SNX18: variants seen among roughly 807,000 people sequenced by gnomAD.
SNX18 encodes sorting nexin 18, also known as sorting nexin-18.
In SNX18, 35 loss-of-function variants were observed where a neutral mutation model predicts 48.7. The ratio of observed to expected loss-of-function variants is 0.72; its 90% CI spans 0.55 to 0.95. SNX18 has a LOEUF of 0.95. SNX18 is among the 40% of genes least tolerant of loss of function. The probability of loss-of-function intolerance (pLI) is 0.00; values close to 1 mark genes in which losing one functional copy is unlikely to be tolerated. For missense variants in SNX18, 824 were observed against 871.0 expected (o/e 0.95, Z 0.68); for synonymous variants, 492 against 384.7 (o/e 1.28, Z -3.26).
the SNX18 span, among the ~76,000 whole-genome samples, chr5:54,572,642 A>G: frequency 6.6e-6 from 1 of 150,766 alleles, no homozygotes; most frequent in African/African-American, 2.4e-5. Flanking sequence ...GTTGCGTTCT[A>G]TTTCATAATA....
the SNX18 span, among the ~76,000 whole-genome samples, chr5:54,615,058 G>GA: frequency 2.0e-5 from 3 of 152,232 alleles, no homozygotes; most frequent in African/African-American, 4.8e-5. Flanking sequence ...GGTTTTTATG[G>GA]AAAAAACATT....
chr5:54,534,946 A>G (rs1284034430), intron 1 of SNX18, among the ~76,000 whole-genome samples: 1 of 152,210 alleles, frequency 6.6e-6, no homozygotes, highest in Non-Finnish European at 1.5e-5. Context: ...TTACTGATGG[A>G]AATAGTTTAA....
chr5:54,584,094 A>G, the SNX18 span, among the ~76,000 whole-genome samples: 3 of 129,032 alleles, frequency 2.3e-5, no homozygotes, highest in Non-Finnish European at 4.6e-5. Context: ...TGTGTTGCCC[A>G]GGCTGGAGTG....
At chr5:54,618,306 T>C in the SNX18 span, among the ~76,000 whole-genome samples, 1 of 152,214 alleles carries the variant, frequency 6.6e-6, no homozygotes, top group East Asian at 1.9e-4. Flanking sequence ...CTCTGTCTTT[T>C]ACAAATGACC....
At chr5:54,602,456 G>A in the SNX18 span, among the ~76,000 whole-genome samples, 2 of 152,164 alleles carry the variant, frequency 1.3e-5, no homozygotes, top group Non-Finnish European at 2.9e-5. Flanking sequence ...AATAAAGAGT[G>A]TTTCTAAGTA....
chr5:54,531,772 G>A (rs1762256102), intron 1 of SNX18, among the ~76,000 whole-genome samples: 1 of 152,150 alleles, frequency 6.6e-6, no homozygotes, highest in Non-Finnish European at 1.5e-5. Context: ...AGCTGAGTTA[G>A]GAATTATCTC....
At chr5:54,608,972 A>G in the SNX18 span, among the ~76,000 whole-genome samples, 1,620 of 152,216 alleles carry the variant, frequency 0.011, 32 homozygotes, top group African/African-American at 0.038. Flanking sequence ...CATTGTCCCA[A>G]CCTGTATATC....
chr5:54,603,530 G>A, the SNX18 span, among the ~76,000 whole-genome samples: 2 of 152,102 alleles, frequency 1.3e-5, no homozygotes, highest in African/African-American at 4.8e-5. Flanking sequence ...CAGCCAACAT[G>A]CCTGAATTCC....
the SNX18 span, among the ~76,000 whole-genome samples, chr5:54,592,079 T>C: frequency 2.0e-5 from 3 of 152,226 alleles, no homozygotes; most frequent in African/African-American, 4.8e-5. Flanking sequence ...ACAAATGTGA[T>C]GGCAACATAT....
At chr5:54,572,498 A>C in the SNX18 span, among the ~76,000 whole-genome samples, 1 of 152,016 alleles carries the variant, frequency 6.6e-6, no homozygotes, top group South Asian at 2.1e-4. Flanking sequence ...CACTTCTCAA[A>C]TTTTATACCA....
intron 1 of SNX18, among the ~76,000 whole-genome samples, chr5:54,535,312 C>T (rs1206168635): frequency 6.6e-6 from 1 of 152,132 alleles, no homozygotes; most frequent in Admixed American, 6.5e-5. Context: ...GGAGCTAGGA[C>T]TGGTGATGGA....
the SNX18 span, among the ~76,000 whole-genome samples, chr5:54,574,538 C>T: frequency 6.6e-6 from 1 of 152,180 alleles, no homozygotes. Flanking sequence ...GATTCTATGC[C>T]CAGTTAAAAA....
the SNX18 span, among the ~76,000 whole-genome samples, chr5:54,617,679 T>C: frequency 6.6e-6 from 1 of 152,154 alleles, no homozygotes; most frequent in African/African-American, 2.4e-5. Context: ...CTGGAAAGGA[T>C]TTGTTCATGT....
At chr5:54,638,363 T>C in the SNX18 span, among the ~76,000 whole-genome samples, 1 of 152,240 alleles carries the variant, frequency 6.6e-6, no homozygotes, top group African/African-American at 2.4e-5. Flanking sequence ...TGCTATGTTT[T>C]TCTGACACCT....
chr5:54,538,007 A>C (rs779996194), intron 1 of SNX18, among the ~76,000 whole-genome samples: 8 of 152,332 alleles, frequency 5.3e-5, no homozygotes, highest in Non-Finnish European at 8.8e-5. Context: ...ATGATGATCT[A>C]ACTCTGCTCC....
the SNX18 span, chr5:54,645,335 A>C: frequency 6.6e-6 from 1 of 152,252 alleles, no homozygotes; most frequent in Non-Finnish European, 1.5e-5. Context: ...CAAGGGAGAC[A>C]TATAGATACT....
intron 1 of SNX18, among the ~76,000 whole-genome samples, chr5:54,523,992 A>G (rs920545508): frequency 6.6e-6 from 1 of 152,124 alleles, no homozygotes; most frequent in Non-Finnish European, 1.5e-5. Flanking sequence ...TTATTTTTGA[A>G]ACCTCTGGGC....
At chr5:54,540,463 T>G (rs746658961) in intron 1 of SNX18, among the ~76,000 whole-genome samples, 9 of 152,320 alleles carry the variant, frequency 5.9e-5, no homozygotes, top group Admixed American at 2.0e-4. Flanking sequence ...CCCATCCCCC[T>G]GCCTCAGCCT....
rs576396423 is a variant in SNX18 at position 54,534,587 on chromosome 5, CCT to C, written c.1622-8591_1622-8590del. Among the ~76,000 whole-genome samples the C allele has an allele frequency of 7.3e-3, 1,101 of 151,792 alleles. 5 individuals are homozygous for C. The highest frequency in any genetic ancestry group is 0.012 in the Admixed American group (190 of 15,258). ...TTTTCTTTCTTTCTTTTTTTTTCCC[CCT>C]GTCTCACTTTGATGGGTCAGAAGTT... is the stretch of plus-strand genomic sequence containing the variant. On this transcript the variant is annotated intron_variant, in intron 1 of 1. Transcript: ENST00000381410.
Sources: gnomAD v4.1 joint callset for allele counts (sites outside exome capture counted in the v4.1 genomes callset) on GRCh38, gnomAD v4.1.1 for gene constraint, MANE v1.5 for transcripts, NCBI Gene and HGNC (gene_info 2026-07-23, HGNC 2026-07-21) for gene names.